Variants in FXR1 observed in about 807,000 individuals in gnomAD.
The protein encoded by FXR1 is RNA-binding protein FXR1.
In FXR1, 15 loss-of-function variants were observed where a neutral mutation model predicts 84.0. The observed-to-expected ratio is 0.18, with a 90% CI of 0.12 to 0.27. The LOEUF (loss-of-function observed/expected upper bound fraction) is 0.27. Among genes scored for constraint, FXR1 ranks in the 10% least tolerant of loss-of-function variants. The pLI, the probability that FXR1 is intolerant of heterozygous loss-of-function variation, is 1.00. For missense variants in FXR1, 480 were observed against 774.4 expected, an observed-to-expected ratio of 0.62 and a Z score of 4.51; for synonymous variants, 245 against 250.7, an observed-to-expected ratio of 0.98 and a Z score of 0.21.
At chr3:180,927,601 A>G (rs544550001) in intron 1 of FXR1, 6 of 597,620 alleles carry the variant, frequency 1.0e-5, no homozygotes, top group East Asian at 9.7e-5. Context: ...TTTCAAAAAT[A>G]TATTCATAAA....
intron 1 of FXR1, chr3:180,915,604 T>C (rs185500664): frequency 1.2e-6 from 1 of 844,896 alleles, no homozygotes; most frequent in Admixed American, 2.0e-5. Context: ...ATTTCTTTGG[T>C]TTTTTTTGGT....
At chr3:180,934,095 CAA>C (rs910681211) in intron 2 of FXR1, among the ~76,000 whole-genome samples, 14 of 152,108 alleles carry the variant, frequency 9.2e-5, no homozygotes, top group Admixed American at 8.5e-4. Flanking sequence ...GCCTGGACGA[CAA>C]GAGCAAAACT....
At chr3:180,951,192 T>C in intron 7 of FXR1, 106 bp from the exon 8 acceptor site, 1 of 664,794 alleles carries the variant, frequency 1.5e-6, no homozygotes, top group East Asian at 2.7e-5. Flanking sequence ...CACTGCACCC[T>C]AGCCTTGGTG....
At chr3:180,934,467 G>A (rs533840874) in intron 2 of FXR1, among the ~76,000 whole-genome samples, 2 of 152,246 alleles carry the variant, frequency 1.3e-5, no homozygotes, top group African/African-American at 4.8e-5. Flanking sequence ...CATGAAAAAT[G>A]TCAGTTAACT....
intron 13 of FXR1, among the ~76,000 whole-genome samples, chr3:180,963,610 ATTATT>A (rs1712425163): frequency 6.6e-6 from 1 of 152,216 alleles, no homozygotes; most frequent in Admixed American, 6.5e-5. Context: ...CACATCTGGA[ATTATT>A]TTATTTAACA....
chr3:180,921,979 T>C (rs935894721), intron 1 of FXR1, among the ~76,000 whole-genome samples: 2 of 152,206 alleles, frequency 1.3e-5, no homozygotes, highest in African/African-American at 4.8e-5. Context: ...GTTACAAGTA[T>C]AGGGTTTTTC....
chr3:180,957,066 C>G (rs1314872890), intron 9 of FXR1, among the ~76,000 whole-genome samples: 2 of 152,086 alleles, frequency 1.3e-5, no homozygotes, highest in African/African-American at 4.8e-5. Context: ...CTCAGTGTTG[C>G]TTTGTTATTT....
At position 180,953,882 on chromosome 3, in the gene FXR1, A is replaced by G. The variant is rs368561450; in HGVS notation, c.880+42A>G. The G allele has an allele frequency of 3.1e-5, 30 of 970,786 alleles. 1 individual carries two copies. The African/African-American group carries it at 4.5e-4, about 15-fold the overall frequency. 60.1% of individuals were successfully genotyped at this position (970,786 alleles called of 1,614,324 possible). ...AATGTTAAATAAGTTAATAAACATT[A>G]TTTAGTTACATATAGCGACTTAATT... is the stretch of plus-strand genomic sequence containing the variant. On this transcript the variant is annotated intron_variant, in intron 9 of 16. Transcript: ENST00000357559.
At chr3:180,941,510 T>A (rs960992886) in intron 3 of FXR1, among the ~76,000 whole-genome samples, 1 of 152,188 alleles carries the variant, frequency 6.6e-6, no homozygotes, top group South Asian at 2.1e-4. Flanking sequence ...ATAAAAGATA[T>A]ACATGGATTA....
intron 3 of FXR1, among the ~76,000 whole-genome samples, chr3:180,937,088 A>G (rs1184123291): frequency 6.6e-6 from 1 of 152,150 alleles, no homozygotes; most frequent in African/African-American, 2.4e-5. Flanking sequence ...GTTTTTCTCA[A>G]TATTGTATCT....
rs767740881 is a variant in FXR1, at chr3:180,951,269, T to C, written c.631-29T>C. 1.2e-5 allele frequency: 17 copies of C among 1,424,110 alleles called. No homozygotes were observed. The Admixed American group carries it at 3.1e-4, about 26-fold the overall frequency. The allele number at this position is 1,424,110 out of a possible 1,614,324, so 88.2% of individuals were successfully genotyped here. A position where few individuals can be genotyped will look rare whatever the true frequency, so the allele number is the denominator to read the frequency against. ...AAAAGCCATTTTGTATTTTGATCTT[T>C]TATATTACTAATTTTCCTTTTTTAT... On this transcript the variant is annotated intron_variant, in intron 7 of 16. Coordinates refer to ENST00000357559, the MANE Select transcript of FXR1 (RefSeq NM_005087.4).
At chr3:180,964,267 C>A (rs550025070) in intron 13 of FXR1, among the ~76,000 whole-genome samples, 3 of 152,194 alleles carry the variant, frequency 2.0e-5, no homozygotes, top group South Asian at 4.1e-4. Context: ...AGACAGTTAA[C>A]CAGTAATCAC....
intron 2 of FXR1, 104 bp from the exon 3 acceptor site, chr3:180,935,034 C>A: frequency 1.7e-6 from 1 of 573,914 alleles, no homozygotes; most frequent in Non-Finnish European, 3.2e-6. Context: ...TGTTTTCCTT[C>A]TCTTTAGGGA....
chr3:180,967,655 G>A (rs2108490328), intron 13 of FXR1, among the ~76,000 whole-genome samples: 2 of 146,920 alleles, frequency 1.4e-5, no homozygotes, highest in Admixed American at 6.8e-5. Flanking sequence ...CTGCACATCA[G>A]TTTTTTTTTT....
Position 180,961,446 on chromosome 3 carries a change from ACTT to A in FXR1, c.991-21_991-19del. 1 of 1,167,942 alleles carries A rather than the reference ACTT, an allele frequency of 8.6e-7. No homozygotes were observed. Among genetic ancestry groups the A allele is most frequent in the Non-Finnish European group, 1.3e-6 (1 of 785,036 alleles). The allele number at this position is 1,167,942 out of a possible 1,614,324, so 72.3% of individuals were successfully genotyped here. On this transcript the variant is annotated intron_variant, in intron 10 of 16. Transcript: ENST00000357559. ...TTTGTTAAAATATTAAACACTGAAT[ACTT>A]TTTTTTTTTTTTAAACAGGGTATGG...
intron 9 of FXR1, among the ~76,000 whole-genome samples, chr3:180,955,279 G>A (rs951432360): frequency 3.9e-5 from 6 of 152,068 alleles, no homozygotes; most frequent in South Asian, 4.1e-4. Context: ...GATTACAGGC[G>A]TGATCCACCG....
At chr3:180,928,687 A>AT (rs1323704431) in intron 1 of FXR1, among the ~76,000 whole-genome samples, 1 of 151,972 alleles carries the variant, frequency 6.6e-6, no homozygotes, top group Non-Finnish European at 1.5e-5. Flanking sequence ...TGTAAGTAGA[A>AT]TTTTTTTGTA....
intron 13 of FXR1, among the ~76,000 whole-genome samples, chr3:180,965,874 A>C (rs1194915483): frequency 1.3e-5 from 2 of 152,170 alleles, no homozygotes; most frequent in East Asian, 3.8e-4. Flanking sequence ...AAGTCTCTTG[A>C]ATACTATATG....
chr3:180,954,942 A>G (rs987005023), intron 9 of FXR1, among the ~76,000 whole-genome samples: 2 of 144,420 alleles, frequency 1.4e-5, no homozygotes, highest in African/African-American at 5.1e-5. Context: ...AAAACACAGG[A>G]ATTTGTTTCT....
Sources: allele counts gnomAD v4.1 joint callset (sites outside exome capture counted in the v4.1 genomes callset), GRCh38; gene constraint gnomAD v4.1.1; transcripts MANE v1.5; gene names NCBI Gene and HGNC (gene_info 2026-07-23, HGNC 2026-07-21).